RORA: variants seen among roughly 807,000 people sequenced by gnomAD.
RORA encodes the protein nuclear receptor ROR-alpha.
A neutral mutation model predicts 69.5 loss-of-function variants in RORA; 7 were observed. The observed-to-expected ratio is 0.10, with a 90% CI of 0.06 to 0.19. RORA has a LOEUF of 0.19. RORA is among the 10% of genes least tolerant of loss of function. The pLI is 1.00. For missense variants in RORA, 457 were observed against 663.0 expected, an observed-to-expected ratio of 0.69 and a Z score of 3.41; for synonymous variants, 261 against 240.8, an observed-to-expected ratio of 1.08 and a Z score of -0.78.
intron 2 of RORA, among the ~76,000 whole-genome samples, chr15:60,567,103 C>T (rs924541864): frequency 2.0e-5 from 3 of 151,908 alleles, no homozygotes; most frequent in South Asian, 2.1e-4. Context: ...GCTTCCATAA[C>T]GAGCTAGCCT....
chr15:61,140,317 G>A (rs1034388272), intron 1 of RORA, among the ~76,000 whole-genome samples: 2 of 152,126 alleles, frequency 1.3e-5, no homozygotes, highest in Non-Finnish European at 2.9e-5. Context: ...AGTAGGTTAA[G>A]GAATTATGTT....
At chr15:60,892,245 A>G (rs2140458621) in intron 1 of RORA, among the ~76,000 whole-genome samples, 1 of 152,304 alleles carries the variant, frequency 6.6e-6, no homozygotes, top group Non-Finnish European at 1.5e-5. Context: ...GTAACAGCAC[A>G]CTCAGATGGG....
At chr15:60,857,598 C>CA (rs890882367) in intron 1 of RORA, among the ~76,000 whole-genome samples, 2 of 152,160 alleles carry the variant, frequency 1.3e-5, no homozygotes, top group African/African-American at 4.8e-5. Flanking sequence ...GACTCAGCCT[C>CA]AAAGCATCCA....
At chr15:60,884,564 G>GA (rs931717015) in intron 1 of RORA, among the ~76,000 whole-genome samples, 7 of 151,990 alleles carry the variant, frequency 4.6e-5, no homozygotes, top group Non-Finnish European at 1.0e-4. Flanking sequence ...GAATCTGAGG[G>GA]AAAAAAATGA....
chr15:60,776,899 C>T (rs747580778), intron 1 of RORA, among the ~76,000 whole-genome samples: 1 of 152,178 alleles, frequency 6.6e-6, no homozygotes, highest in Non-Finnish European at 1.5e-5. Context: ...CCTTGTACCA[C>T]TATACAATTT....
rs531817367 is a variant in RORA at position 60,491,339 on chromosome 15, A to G, written c.*6116T>C. On this transcript the variant is annotated 3_prime_UTR_variant, in exon 11 of 11. Coordinates refer to ENST00000335670, the MANE Select transcript of RORA (RefSeq NM_134261.3). ...GTGCAACATGTCAAAGCTAATAGCA[A>G]GCTATCTTTCATTAGTTCTTAGAAG... 2.0e-5 allele frequency: 3 copies of G among 152,304 alleles called. No homozygotes were observed. Among genetic ancestry groups the G allele is most frequent in the African/African-American group, 7.2e-5 (3 of 41,570 alleles). The allele number at this position is 152,304 out of a possible 1,614,324, so 9.4% of individuals were successfully genotyped here.
intron 1 of RORA, among the ~76,000 whole-genome samples, chr15:60,916,139 C>T (rs541932944): frequency 2.3e-4 from 35 of 152,270 alleles, no homozygotes; most frequent in African/African-American, 5.5e-4. Flanking sequence ...GCAGTTCTGC[C>T]GACTTTACAC....
At chr15:60,659,649 T>G (rs569215651) in intron 2 of RORA, among the ~76,000 whole-genome samples, 1 of 152,210 alleles carries the variant, frequency 6.6e-6, no homozygotes, top group African/African-American at 2.4e-5. Flanking sequence ...ATCCTTGTCA[T>G]GTCCTCCTCA....
intron 1 of RORA, among the ~76,000 whole-genome samples, chr15:60,679,778 G>A (rs913244764): frequency 3.9e-5 from 6 of 152,114 alleles, no homozygotes; most frequent in African/African-American, 1.4e-4. Flanking sequence ...AGTTGGTTCC[G>A]AAGTTGTGAG....
At chr15:61,030,467 G>A (rs1896102746) in intron 1 of RORA, among the ~76,000 whole-genome samples, 1 of 152,186 alleles carries the variant, frequency 6.6e-6, no homozygotes, top group African/African-American at 2.4e-5. Context: ...TTACTTTTCT[G>A]TAAGCCAGTG....
At chr15:60,601,284 T>C (rs2068802922) in intron 2 of RORA, among the ~76,000 whole-genome samples, 1 of 152,224 alleles carries the variant, frequency 6.6e-6, no homozygotes, top group East Asian at 1.9e-4. Context: ...TTATGAATTA[T>C]TGCACAATGT....
chr15:60,730,327 C>T (rs544517922), intron 1 of RORA, among the ~76,000 whole-genome samples: 1 of 152,316 alleles, frequency 6.6e-6, no homozygotes, highest in East Asian at 1.9e-4. Flanking sequence ...TAGGAAATGC[C>T]ATTCTTCTCA....
intron 1 of RORA, among the ~76,000 whole-genome samples, chr15:60,986,659 C>A (rs1294807867): frequency 6.6e-6 from 1 of 152,148 alleles, no homozygotes; most frequent in Non-Finnish European, 1.5e-5. Flanking sequence ...GACACACAGA[C>A]CCTGAGTTTT....
At chr15:61,204,160 G>A (rs1174510645) in intron 1 of RORA, among the ~76,000 whole-genome samples, 1 of 152,196 alleles carries the variant, frequency 6.6e-6, no homozygotes, top group South Asian at 2.1e-4. Flanking sequence ...ATCCAGAGGA[G>A]AGAAGTCAAG....
rs147659097 is a variant in RORA at position 60,580,679 on chromosome 15, T to C, written c.197-48828A>G. ...GAAGACGCTGATCTGCAAAAATCAC[T>C]ATGCATTCATGAAAGGAGCTCTGGG... On this transcript the variant is annotated intron_variant, in intron 2 of 10. Coordinates refer to ENST00000335670, the MANE Select transcript of RORA (RefSeq NM_134261.3). Among the ~76,000 whole-genome samples, 302 of 152,344 alleles carry C rather than the reference T, an allele frequency of 2.0e-3. 3 individuals are homozygous for C. The highest frequency in any genetic ancestry group is 7.0e-3 in the African/African-American group (293 of 41,576).
At chr15:60,949,962 T>C (rs960485325) in intron 1 of RORA, among the ~76,000 whole-genome samples, 2 of 152,072 alleles carry the variant, frequency 1.3e-5, no homozygotes, top group African/African-American at 4.8e-5. Flanking sequence ...AAAGAAGAAC[T>C]TCCCACTCCA....
intron 2 of RORA, among the ~76,000 whole-genome samples, chr15:60,634,518 CCT>C (rs1338929125): frequency 6.6e-6 from 1 of 152,034 alleles, no homozygotes; most frequent in Non-Finnish European, 1.5e-5. Context: ...GATTCTCCTG[CCT>C]CAGCCTCTGG....
At chr15:60,657,820 A>G (rs1229339030) in intron 2 of RORA, among the ~76,000 whole-genome samples, 1 of 152,190 alleles carries the variant, frequency 6.6e-6, no homozygotes, top group Non-Finnish European at 1.5e-5. Context: ...ACTTCCCTTT[A>G]TCTCCTCCTG....
chr15:60,656,898 G>A (rs1567143773), intron 2 of RORA, among the ~76,000 whole-genome samples: 2 of 152,218 alleles, frequency 1.3e-5, no homozygotes, highest in Non-Finnish European at 2.9e-5. Context: ...ATAGAGGAAA[G>A]CCCGTGGTTT....
Sources: allele counts gnomAD v4.1 joint callset (sites outside exome capture counted in the v4.1 genomes callset), GRCh38; gene constraint gnomAD v4.1.1; transcripts MANE v1.5; gene names NCBI Gene and HGNC (gene_info 2026-07-23, HGNC 2026-07-21).